ZSCAN1: variants seen among roughly 807,000 people sequenced by gnomAD.
ZSCAN1 encodes zinc finger and SCAN domain-containing protein 1.
ZSCAN1 carries 23 observed loss-of-function variants against 23.8 expected under a neutral mutation model. That is an observed-to-expected ratio of 0.97 (90% CI 0.70 to 1.37). ZSCAN1 has a LOEUF of 1.37. Among genes scored for constraint, ZSCAN1 ranks in the 40% most tolerant of loss-of-function variants. ZSCAN1 has a pLI of 0.00. For synonymous variants in ZSCAN1, 236 were observed against 232.3 expected, an observed-to-expected ratio of 1.02 and a Z score of -0.15; for missense variants, 575 against 554.0, an observed-to-expected ratio of 1.04 and a Z score of -0.38.
rs147014137 is a variant in ZSCAN1, at chr19:58,038,143, C to T, written c.307C>T (p.Pro103Ser). ...GCGGACCTGGGTGCAGTCACAGGGC[C>T]CCCGAAGCTGCAGGGAGGCCGCCAG... ...KMRTWVQSQGPRSCREAASLV... is the reference protein window; with the variant it reads ...KMRTWVQSQGSRSCREAASLV... Residue 103 changes from proline (P) to serine (S), a missense_variant, in exon 3 of 6, where the codon CCC becomes TCC. Coordinates refer to ENST00000282326, the MANE Select transcript of ZSCAN1 (RefSeq NM_182572.4). 9.6e-4 allele frequency: 1,539 copies of T among 1,609,422 alleles called. 2 individuals carry two copies. The highest frequency in any genetic ancestry group is 1.1e-3 in the Non-Finnish European group (1,271 of 1,179,272).
intron 4 of ZSCAN1, chr19:58,044,666 C>A (rs2073812563): frequency 5.0e-6 from 4 of 804,160 alleles, no homozygotes; most frequent in African/African-American, 3.4e-5. Flanking sequence ...CACCGCCCCG[C>A]GGGGTAGTCC....
At chr19:58,050,544 C>T (rs760249030) in intron 4 of ZSCAN1, among the ~76,000 whole-genome samples, 15 of 152,136 alleles carry the variant, frequency 9.9e-5, no homozygotes, top group East Asian at 1.9e-4. Flanking sequence ...TTGTTTGAGA[C>T]GGCGTCTCGC....
In ZSCAN1 at chr19:58,053,375, G is replaced by C. The variant is rs1050169017; in HGVS notation, c.605-54G>C. The stretch of plus-strand genomic sequence containing the variant: ...TCCGTGCCCCTGGGGAGCACAGGGA[G>C]ATGCCAAGGCCATCCACTCACTACA... On this transcript the variant is annotated intron_variant, in intron 5 of 5. Transcript: ENST00000282326. The surrounding 1 kb of genome is among the most constrained non-coding windows in gnomAD (Gnocchi z 5.8). The C allele has an allele frequency of 1.1e-5, 17 of 1,557,988 alleles. No homozygotes were observed. The African/African-American group carries it at 2.0e-4, about 19-fold the overall frequency.
At chr19:58,043,036 G>A (rs191268962) in intron 4 of ZSCAN1, among the ~76,000 whole-genome samples, 3 of 152,350 alleles carry the variant, frequency 2.0e-5, no homozygotes, top group African/African-American at 7.2e-5. Flanking sequence ...TGGTGAGCGC[G>A]GCCCCAGGCA....
intron 4 of ZSCAN1, chr19:58,046,767 T>C: frequency 1.3e-6 from 1 of 761,012 alleles, no homozygotes; most frequent in East Asian, 2.5e-5. Flanking sequence ...GGTGAAGAGC[T>C]AGAGCCACTG....
At chr19:58,051,241 C>T (rs1339999733) in intron 4 of ZSCAN1, among the ~76,000 whole-genome samples, 2 of 152,138 alleles carry the variant, frequency 1.3e-5, no homozygotes, top group Non-Finnish European at 2.9e-5. Flanking sequence ...CACAATGGCC[C>T]CCAGTAGCCA....
intron 4 of ZSCAN1, chr19:58,044,549 C>G: frequency 1.9e-6 from 1 of 540,428 alleles, no homozygotes; most frequent in Non-Finnish European, 3.1e-6. Context: ...GGAGGAGGAG[C>G]CAGCGCAGGA....
chr19:58,042,536 C>A (rs1284219770), intron 4 of ZSCAN1, among the ~76,000 whole-genome samples: 1 of 152,102 alleles, frequency 6.6e-6, no homozygotes, highest in African/African-American at 2.4e-5. Flanking sequence ...TGAGCCATCG[C>A]GCCCGGCCCT....
In ZSCAN1 at chr19:58,038,189, A is replaced by T. The variant is rs1391668575; in HGVS notation, c.353A>T (p.Gln118Leu). 3.1e-6 allele frequency: 5 copies of T among 1,606,390 alleles called. No individual in the cohort carries two copies. The highest frequency in any genetic ancestry group is 4.5e-5 in the East Asian group (2 of 44,716). Reference protein sequence around the residue: ...EAASLVEDLTQMCQQEVLVSL... With the variant: ...EAASLVEDLTLMCQQEVLVSL... ...GCCAGCCTGGTGGAGGACCTCACAC[A>T]GATGTGCCAGCAGGAAGGTGAGAGG... The change falls in exon 3 of 6, where the codon CAG (glutamine) becomes CTG (leucine). Residue 118 changes from glutamine to leucine, a missense_variant. By Grantham distance (113) the Gln-to-Leu change is moderately radical (BLOSUM62 -2). Transcript: ENST00000282326.
At position 58,040,627 on chromosome 19, in the gene ZSCAN1, C is replaced by A; in HGVS notation, c.465+83C>A. On this transcript the variant is annotated intron_variant, in intron 4 of 5. Transcript: ENST00000282326. This position sits in a 1 kb window ranked among gnomAD's most constrained non-coding sequence, Gnocchi z 5.8. ...TGGGACGGCCTCAAGGATGCCCCAT[C>A]CAAGGACTGTGTGAGGTTGTCCCCA... 7.2e-7 allele frequency: 1 copy of A among 1,380,148 alleles called. No individual in the cohort carries two copies. The highest frequency in any genetic ancestry group is 1.0e-6 in the Non-Finnish European group (1 of 976,244). The allele number at this position is 1,380,148 out of a possible 1,614,324, so 85.5% of individuals were successfully genotyped here.
In ZSCAN1 at chr19:58,045,216, C is replaced by A; in HGVS notation, c.465+4672C>A. 2 of 839,476 alleles carry A rather than the reference C, an allele frequency of 2.4e-6. No homozygotes were observed. The highest frequency in any genetic ancestry group is 4.2e-6 in the Non-Finnish European group (2 of 474,196). The allele number at this position is 839,476 out of a possible 1,614,324, so 52.0% of individuals were successfully genotyped here. ...CTGTGCCGACCTCTTCCGCCTGGTG[C>A]CGTTCCTCCTGTTCGTGGTGGTGCC... On this transcript the variant is annotated intron_variant, in intron 4 of 5. Transcript: ENST00000282326. This position sits in a 1 kb window ranked among gnomAD's most constrained non-coding sequence, Gnocchi z 4.3.
intron 4 of ZSCAN1, among the ~76,000 whole-genome samples, chr19:58,050,596 C>T (rs866792982): frequency 2.6e-5 from 4 of 152,038 alleles, no homozygotes; most frequent in Non-Finnish European, 4.4e-5. Context: ...TCTCAGCTCA[C>T]TGCAACCTCC....
At chr19:58,037,328 G>A (rs2073744624) in intron 2 of ZSCAN1, among the ~76,000 whole-genome samples, 1 of 152,038 alleles carries the variant, frequency 6.6e-6, no homozygotes, top group Non-Finnish European at 1.5e-5. Flanking sequence ...AGGCATTCTT[G>A]TTCCCGCAGC....
chr19:58,041,266 C>T (rs978270586), intron 4 of ZSCAN1, among the ~76,000 whole-genome samples: 7 of 152,206 alleles, frequency 4.6e-5, no homozygotes, highest in African/African-American at 4.8e-5. Flanking sequence ...GACCAGAGAC[C>T]GGGCCAGAGC....
Position 58,045,792 on chromosome 19 carries a change from G to A in ZSCAN1, c.465+5248G>A, listed in dbSNP as rs1167883266. 4.5e-6 allele frequency: 7 copies of A among 1,561,568 alleles called. No homozygotes were observed. On this transcript the variant is annotated intron_variant, in intron 4 of 5. Transcript: ENST00000282326. This position sits in a 1 kb window ranked among gnomAD's most constrained non-coding sequence, Gnocchi z 4.3. ...GGCTGGACCTGCACCTGCATCAGGA[G>A]ATCCCCACATCGCTGCTCATCCTGT...
downstream of ZSCAN1, among the ~76,000 whole-genome samples, chr19:58,055,097 T>G (rs911187398): frequency 6.6e-6 from 1 of 152,222 alleles, no homozygotes; most frequent in Admixed American, 6.5e-5. Flanking sequence ...TTTTTGCCTT[T>G]TTCTTTTTCT....
chr19:58,046,095 C>T (rs927837541), intron 4 of ZSCAN1: 78 of 685,846 alleles, frequency 1.1e-4, no homozygotes, highest in Non-Finnish European at 1.9e-4. Flanking sequence ...GGGCCCAGCC[C>T]CAGCCAGAAG....
chr19:58,044,796 C>G (rs987108901), intron 4 of ZSCAN1: 9 of 726,742 alleles, frequency 1.2e-5, no homozygotes, highest in Non-Finnish European at 2.3e-5. Context: ...GCGATCACCT[C>G]AGCTGTTGGA....
intron 4 of ZSCAN1, among the ~76,000 whole-genome samples, chr19:58,042,327 G>C (rs548552197): frequency 1.3e-5 from 2 of 151,360 alleles, no homozygotes; most frequent in Admixed American, 6.6e-5. Context: ...GCGCGATCTC[G>C]GCTCACTGCA....
Sources: allele counts gnomAD v4.1 joint callset (sites outside exome capture counted in the v4.1 genomes callset), GRCh38; gene constraint gnomAD v4.1.1; non-coding constraint Gnocchi (gnomAD v3.1); transcripts MANE v1.5; gene names NCBI Gene and HGNC (gene_info 2026-07-23, HGNC 2026-07-21).